The following HYDIN variants were observed in gnomAD, a reference collection of about 807,000 sequenced individuals.
The protein encoded by HYDIN is axonemal central pair apparatus protein HYDIN.
HYDIN carries 132 observed loss-of-function variants against 403.9 expected under a neutral mutation model. The ratio of observed to expected loss-of-function variants is 0.33; its 90% CI spans 0.28 to 0.38. The LOEUF (loss-of-function observed/expected upper bound fraction) is 0.38. Ranked by LOEUF, HYDIN falls within the 10% of genes least tolerant of loss-of-function variation. The pLI is 1.00. For missense variants in HYDIN, 2,827 were observed against 5,009.5 expected (o/e 0.56, Z 13.15); for synonymous variants, 1,202 against 1,891.7 (o/e 0.64, Z 9.46).
At chr16:71,045,516 A>G (rs1353340599) in intron 18 of HYDIN, among the ~76,000 whole-genome samples, 1 of 151,644 alleles carries the variant, frequency 6.6e-6, no homozygotes, top group Non-Finnish European at 1.5e-5. Context: ...AGTAATATGT[A>G]CCAATAATCT....
At chr16:71,175,799 A>G in intron 4 of HYDIN, 58 bp from the exon 5 acceptor site, 6 of 1,573,298 alleles carry the variant, frequency 3.8e-6, no homozygotes, top group Non-Finnish European at 5.2e-6. Flanking sequence ...AGTTAAACAC[A>G]GACTGAAATC....
At chr16:70,994,967 T>C (rs1390624974) in intron 23 of HYDIN, among the ~76,000 whole-genome samples, 1 of 150,462 alleles carries the variant, frequency 6.6e-6, no homozygotes, top group Non-Finnish European at 1.5e-5. Flanking sequence ...ATTTCTGTAA[T>C]GGAAAAATAC....
chr16:70,833,151 C>T (rs1183498098), intron 79 of HYDIN, 84 bp from the exon 80 acceptor site: 6 of 1,279,394 alleles, frequency 4.7e-6, no homozygotes, highest in South Asian at 4.5e-5. Flanking sequence ...AAGAGACTGC[C>T]TAGGCTGAGG....
chr16:70,818,884 C>T (rs936024891), intron 83 of HYDIN, among the ~76,000 whole-genome samples: 3 of 152,152 alleles, frequency 2.0e-5, no homozygotes, highest in Admixed American at 6.5e-5. Flanking sequence ...GGAAAACAAG[C>T]GAGACCTTTG....
At chr16:70,936,653 C>T (rs2077501554) in intron 44 of HYDIN, among the ~76,000 whole-genome samples, 1 of 151,546 alleles carries the variant, frequency 6.6e-6, no homozygotes, top group South Asian at 2.1e-4. Flanking sequence ...CCTGCCTAAG[C>T]CTCCTGAGTA....
intron 45 of HYDIN, among the ~76,000 whole-genome samples, chr16:70,929,179 AC>A: frequency 7.5e-6 from 1 of 132,918 alleles, no homozygotes. Context: ...AATCCCAGCT[AC>A]TCGGGAGGCT....
At chr16:70,846,403 G>T (rs1343697418) in intron 75 of HYDIN, among the ~76,000 whole-genome samples, 1 of 151,764 alleles carries the variant, frequency 6.6e-6, no homozygotes, top group Non-Finnish European at 1.5e-5. Context: ...TGTGGTCTAA[G>T]AAATAGTTTG....
At chr16:71,058,706 G>C (rs1478259232) in intron 18 of HYDIN, among the ~76,000 whole-genome samples, 2 of 150,066 alleles carry the variant, frequency 1.3e-5, no homozygotes, top group Non-Finnish European at 3.0e-5. Context: ...ATAAAAATTA[G>C]CTTATAGAAG....
At chr16:71,157,208 A>G (rs1360001188) in intron 6 of HYDIN, among the ~76,000 whole-genome samples, 3 of 151,580 alleles carry the variant, frequency 2.0e-5, no homozygotes. Flanking sequence ...TTTGTGATTT[A>G]TAAGAACCTA....
intron 75 of HYDIN, among the ~76,000 whole-genome samples, chr16:70,847,356 T>C (rs1318340418): frequency 6.6e-6 from 1 of 152,256 alleles, no homozygotes; most frequent in Non-Finnish European, 1.5e-5. Flanking sequence ...ACTGATTTTA[T>C]ATAACCTATG....
At chr16:70,925,280 T>C (rs2077114433) in intron 45 of HYDIN, among the ~76,000 whole-genome samples, 1 of 152,242 alleles carries the variant, frequency 6.6e-6, no homozygotes, top group Non-Finnish European at 1.5e-5. Flanking sequence ...AGGCCAGCAG[T>C]CCTAGACCAG....
chr16:70,862,156 A>C lies in HYDIN; in HGVS notation c.11669T>G (p.Phe3890Cys). Reference protein sequence around the residue: ...DHWAEGSPQPFSVEPSSGIVP... With the variant: ...DHWAEGSPQPCSVEPSSGIVP... Reference sequence around the variant, plus strand: ...GATTCCCGAAGAGGGCTCCACAGAGAAGGGCTGTGGGGAACCCTCGGCCCA... The same window carrying C: ...GATTCCCGAAGAGGGCTCCACAGAGCAGGGCTGTGGGGAACCCTCGGCCCA... The change falls in exon 69 of 86, where the codon TTC becomes TGC. Residue 3890 changes from phenylalanine (F) to cysteine (C), a missense_variant. Physicochemically the swap from Phe to Cys is radical, Grantham distance 205. Transcript: ENST00000393567. The C allele has an allele frequency of 1.2e-6, 2 of 1,612,896 alleles. No homozygotes were observed. Among genetic ancestry groups the C allele is most frequent in the Non-Finnish European group, 1.7e-6 (2 of 1,179,598 alleles).
rs936128361 is a variant in HYDIN, at chr16:70,802,128, C to T, written c.*5452G>A. ...AATGAATGAAAAGTGCATATATAGG[C>T]CTTATAACAGTCTTGAAAATGGAGT... On this transcript the variant is annotated 3_prime_UTR_variant, in exon 86 of 86. Coordinates refer to ENST00000393567, the MANE Select transcript of HYDIN (RefSeq NM_001270974.2). 3 of 152,114 alleles carry T rather than the reference C, an allele frequency of 2.0e-5. No homozygotes were observed. Among genetic ancestry groups the T allele is most frequent in the Admixed American group, 6.5e-5 (1 of 15,274 alleles). 9.4% of individuals were successfully genotyped at this position (152,114 alleles called of 1,614,324 possible).
chr16:71,077,814 T>C (rs1428575968), intron 13 of HYDIN, among the ~76,000 whole-genome samples: 2 of 150,838 alleles, frequency 1.3e-5, no homozygotes, highest in Non-Finnish European at 2.9e-5. Context: ...TTAAATACAT[T>C]TTCCTACTGT....
intron 6 of HYDIN, among the ~76,000 whole-genome samples, chr16:71,153,298 T>C (rs2085615551): frequency 6.6e-6 from 1 of 152,132 alleles, no homozygotes; most frequent in African/African-American, 2.4e-5. Context: ...AGGAAAGGGA[T>C]AGCACCCTCA....
intron 1 of HYDIN, among the ~76,000 whole-genome samples, chr16:71,228,090 G>C (rs941066905): frequency 6.6e-6 from 1 of 152,144 alleles, no homozygotes; most frequent in Non-Finnish European, 1.5e-5. Context: ...AATGGTGCTA[G>C]GAAAACTGGC....
chr16:71,229,920 C>T (rs2041206937), intron 1 of HYDIN, among the ~76,000 whole-genome samples: 1 of 152,162 alleles, frequency 6.6e-6, no homozygotes, highest in Admixed American at 6.5e-5. Flanking sequence ...TGGTGGGTAA[C>T]TTAATCATGG....
rs1431803979 is a variant in HYDIN, at chr16:70,818,533, A to C, written c.14467T>G (p.Tyr4823Asp). 1 of 1,313,404 alleles carries C rather than the reference A, an allele frequency of 7.6e-7. No individual in the cohort carries two copies. The highest frequency in any genetic ancestry group is 1.5e-5 in the African/African-American group (1 of 66,626). 81.4% of individuals were successfully genotyped at this position (1,313,404 alleles called of 1,614,324 possible). The change falls in exon 84 of 86, where the codon TAC becomes GAC. Residue 4823 changes from tyrosine (Y) to aspartate (D), a missense_variant. By Grantham distance (160) the Tyr-to-Asp change is radical (BLOSUM62 -3). Coordinates refer to ENST00000393567, the MANE Select transcript of HYDIN (RefSeq NM_001270974.2). ...GGGATGACCCTGAAACTCACATTGT[A>C]GTACAAGAACTCATTTGTCACCTCG... ...RNEVTNEFLY[Y>D]NVSFRVIPSG...
intron 1 of HYDIN, among the ~76,000 whole-genome samples, chr16:71,224,225 T>C (rs963818662): frequency 2.0e-5 from 3 of 152,152 alleles, no homozygotes; most frequent in African/African-American, 7.2e-5. Flanking sequence ...TTCTCCCTTA[T>C]AAGTGGGAGC....
Sources: gnomAD v4.1 joint callset for allele counts (sites outside exome capture counted in the v4.1 genomes callset) on GRCh38, gnomAD v4.1.1 for gene constraint, MANE v1.5 for transcripts, NCBI Gene and HGNC (gene_info 2026-07-23, HGNC 2026-07-21) for gene names.